CNBD1: variants seen among roughly 807,000 people sequenced by gnomAD.
CNBD1 encodes the protein cyclic nucleotide binding domain containing 1.
A neutral mutation model predicts 54.4 loss-of-function variants in CNBD1; 71 were observed. That is an observed-to-expected ratio of 1.30 (90% confidence interval 1.08 to 1.59). CNBD1 has a LOEUF of 1.59. CNBD1 is among the 40% of genes most tolerant of loss of function. The pLI is 0.00. For synonymous variants in CNBD1, 182 were observed against 170.7 expected, an observed-to-expected ratio of 1.07 and a Z score of -0.51; for missense variants, 659 against 518.0, an observed-to-expected ratio of 1.27 and a Z score of -2.64.
intron 10 of CNBD1, among the ~76,000 whole-genome samples, chr8:87,358,747 T>C (rs983195034): frequency 1.3e-5 from 2 of 152,106 alleles, no homozygotes; most frequent in African/African-American, 2.4e-5. Flanking sequence ...ACTGAGGGTG[T>C]AACTCCCAGT....
intron 3 of CNBD1, among the ~76,000 whole-genome samples, chr8:86,933,366 C>T (rs1213797486): frequency 6.6e-6 from 1 of 152,114 alleles, no homozygotes; most frequent in African/African-American, 2.4e-5. Flanking sequence ...AAACTCCCCC[C>T]AAAGTCTTTG....
At chr8:87,094,943 G>A (rs1490045482) in intron 4 of CNBD1, among the ~76,000 whole-genome samples, 1 of 152,194 alleles carries the variant, frequency 6.6e-6, no homozygotes, top group African/African-American at 2.4e-5. Context: ...GGAGGCTGAG[G>A]CAGGAGAATC....
At chr8:87,332,303 G>T (rs1377248382) in intron 8 of CNBD1, among the ~76,000 whole-genome samples, 1 of 150,170 alleles carries the variant, frequency 6.7e-6, no homozygotes. Context: ...AGCTGAAATT[G>T]TGCCATTGCA....
At chr8:87,195,105 G>A (rs770295256) in intron 4 of CNBD1, among the ~76,000 whole-genome samples, 14 of 151,756 alleles carry the variant, frequency 9.2e-5, no homozygotes, top group African/African-American at 2.2e-4. Context: ...GGCTGGTTTC[G>A]AACTCCTGAC....
intron 4 of CNBD1, among the ~76,000 whole-genome samples, chr8:87,027,791 G>C (rs1809683242): frequency 6.6e-6 from 1 of 152,200 alleles, no homozygotes; most frequent in African/African-American, 2.4e-5. Flanking sequence ...GTATCACAAA[G>C]AACATCAGTT....
intron 8 of CNBD1, among the ~76,000 whole-genome samples, chr8:87,341,731 G>C (rs950168646): frequency 6.6e-6 from 1 of 152,176 alleles, no homozygotes; most frequent in African/African-American, 2.4e-5. Flanking sequence ...GTCCTCTGGA[G>C]GATGTAGCAA....
chr8:87,390,851 A>G (rs1811294236), intron 2 of CNBD1, among the ~76,000 whole-genome samples: 2 of 152,172 alleles, frequency 1.3e-5, no homozygotes, highest in Non-Finnish European at 2.9e-5. Context: ...CAAATGTCCA[A>G]CAATGATAGA....
At chr8:87,280,493 T>C (rs1433687460) in intron 6 of CNBD1, among the ~76,000 whole-genome samples, 2 of 151,522 alleles carry the variant, frequency 1.3e-5, no homozygotes, top group Non-Finnish European at 3.0e-5. Context: ...TGTTGGTCCA[T>C]TTCATCAGCC....
chr8:87,417,140 C>G (rs1311269051), intron 2 of CNBD1, among the ~76,000 whole-genome samples: 2 of 152,018 alleles, frequency 1.3e-5, no homozygotes, highest in Non-Finnish European at 2.9e-5. Flanking sequence ...AATGGACTCA[C>G]AGTTTCCACA....
chr8:87,121,564 T>C (rs1811890174), intron 4 of CNBD1, among the ~76,000 whole-genome samples: 1 of 151,736 alleles, frequency 6.6e-6, no homozygotes, highest in Admixed American at 6.6e-5. Context: ...TTTTGAAATA[T>C]ACATTATTAT....
chr8:87,027,513 G>A (rs1299743408), intron 4 of CNBD1, among the ~76,000 whole-genome samples: 1 of 152,102 alleles, frequency 6.6e-6, no homozygotes, highest in Non-Finnish European at 1.5e-5. Context: ...CTCGTGAGCT[G>A]TCCGCCTCGG....
At chr8:87,067,426 C>T (rs1037577309) in intron 4 of CNBD1, among the ~76,000 whole-genome samples, 36 of 151,890 alleles carry the variant, frequency 2.4e-4, no homozygotes, top group African/African-American at 8.7e-4. Context: ...CTGTTGCTAC[C>T]GGGAAGCATT....
intron 4 of CNBD1, among the ~76,000 whole-genome samples, chr8:87,124,406 A>G (rs1811952083): frequency 6.6e-6 from 1 of 151,724 alleles, no homozygotes; most frequent in Non-Finnish European, 1.5e-5. Flanking sequence ...AATCAATAAC[A>G]AGAAAAATCT....
chr8:87,332,456 T>C (rs1157709315), intron 8 of CNBD1, among the ~76,000 whole-genome samples: 1 of 152,190 alleles, frequency 6.6e-6, no homozygotes, highest in African/African-American at 2.4e-5. Context: ...GATTTACCCA[T>C]GCCTATTTCC....
chr8:87,401,786 T>G (rs1166985146), intron 2 of CNBD1, among the ~76,000 whole-genome samples: 3 of 152,058 alleles, frequency 2.0e-5, no homozygotes, highest in African/African-American at 7.2e-5. Flanking sequence ...TACATAAATA[T>G]TGAGTTCCTG....
intron 4 of CNBD1, among the ~76,000 whole-genome samples, chr8:87,008,641 A>G (rs1293876110): frequency 6.6e-6 from 1 of 152,194 alleles, no homozygotes; most frequent in African/African-American, 2.4e-5. Flanking sequence ...AGCAGAAATC[A>G]TCAGGGAGTT....
chr8:87,059,633 T>A (rs1029875362), intron 4 of CNBD1, among the ~76,000 whole-genome samples: 5 of 152,126 alleles, frequency 3.3e-5, no homozygotes, highest in Admixed American at 3.3e-4. Context: ...TATAAAACCA[T>A]CAGATCTTGT....
At chr8:87,261,711 T>A (rs72665099) in intron 6 of CNBD1, among the ~76,000 whole-genome samples, 1 of 152,094 alleles carries the variant, frequency 6.6e-6, no homozygotes. Context: ...TACAGGTGCC[T>A]ACTTCTAAGT....
intron 4 of CNBD1, among the ~76,000 whole-genome samples, chr8:86,990,346 T>C (rs554331171): frequency 6.6e-6 from 1 of 152,196 alleles, no homozygotes; most frequent in Non-Finnish European, 1.5e-5. Flanking sequence ...GATTTAAATC[T>C]TTAATTCATT....
Sources: allele counts gnomAD v4.1 joint callset (sites outside exome capture counted in the v4.1 genomes callset), GRCh38; gene constraint gnomAD v4.1.1; transcripts MANE v1.5; gene names NCBI Gene and HGNC (gene_info 2026-07-23, HGNC 2026-07-21).